The following RNF111 variants were observed in gnomAD, a reference collection of about 807,000 sequenced individuals.
RNF111 encodes the protein ring finger protein 111, also known as E3 ubiquitin-protein ligase Arkadia.
Under a neutral mutation model 95.1 loss-of-function variants are expected in RNF111, and 17 were observed. The observed-to-expected ratio is 0.18, with a 90% CI of 0.12 to 0.27. The LOEUF (loss-of-function observed/expected upper bound fraction) is 0.27. Ranked by LOEUF, RNF111 falls within the 10% of genes least tolerant of loss-of-function variation. The pLI is 1.00. For synonymous variants in RNF111, 440 were observed against 414.8 expected (o/e 1.06, Z -0.74); for missense variants, 1,189 against 1,210.4 (o/e 0.98, Z 0.26).
chr15:59,065,757 A>G (rs1465050772), intron 5 of RNF111, among the ~76,000 whole-genome samples: 2 of 152,210 alleles, frequency 1.3e-5, no homozygotes, highest in African/African-American at 4.8e-5. Context: ...CTGTAATCCA[A>G]GTACTTTGGG....
At chr15:59,053,156 A>C (rs2042061712) in intron 3 of RNF111, among the ~76,000 whole-genome samples, 1 of 152,150 alleles carries the variant, frequency 6.6e-6, no homozygotes, top group Non-Finnish European at 1.5e-5. Flanking sequence ...TTTTTCCTTC[A>C]CTCAGTAATT....
chr15:58,996,494 T>A (rs1031378527), intron 1 of RNF111, among the ~76,000 whole-genome samples: 6 of 151,564 alleles, frequency 4.0e-5, no homozygotes, highest in Non-Finnish European at 7.4e-5. Flanking sequence ...AGCAGGAGAA[T>A]CGCTTGAACC....
At chr15:59,086,824 T>C (rs1467981384) in intron 10 of RNF111, among the ~76,000 whole-genome samples, 4 of 152,302 alleles carry the variant, frequency 2.6e-5, no homozygotes, top group South Asian at 2.1e-4. Context: ...TCAGGAACCA[T>C]TGAAGGGGAA....
chr15:59,039,092 G>A (rs2041323741), intron 2 of RNF111, among the ~76,000 whole-genome samples: 1 of 152,134 alleles, frequency 6.6e-6, no homozygotes, highest in Non-Finnish European at 1.5e-5. Context: ...TGCCTCCCGA[G>A]TAGCTGGGAT....
intron 1 of RNF111, among the ~76,000 whole-genome samples, chr15:58,993,616 G>A (rs1401228713): frequency 3.3e-5 from 5 of 152,090 alleles, no homozygotes; most frequent in African/African-American, 7.2e-5. Context: ...ACAGTATTTC[G>A]TTTCTATTTG....
At chr15:59,048,146 A>G (rs2041803354) in intron 2 of RNF111, among the ~76,000 whole-genome samples, 1 of 152,238 alleles carries the variant, frequency 6.6e-6, no homozygotes, top group Non-Finnish European at 1.5e-5. Context: ...TTGTAGGAAG[A>G]CTTATACATG....
Position 59,089,775 on chromosome 15 carries a change from A to C in RNF111, c.2643+16A>C. 1 of 1,528,544 alleles carries C rather than the reference A, an allele frequency of 6.5e-7. No homozygotes were observed. The highest frequency in any genetic ancestry group is 1.4e-5 in the African/African-American group (1 of 73,196). 94.7% of individuals were successfully genotyped at this position (1,528,544 alleles called of 1,614,324 possible). A position where few individuals can be genotyped will look rare whatever the true frequency, so the allele number is the denominator to read the frequency against. On this transcript the variant is annotated intron_variant, in intron 11 of 13. Coordinates refer to ENST00000348370, the MANE Select transcript of RNF111 (RefSeq NM_017610.8). Reference sequence around the variant, plus strand: ...CAATTTTGAGGTATGTAATAAAATAAATGAATATGTTTGTCACAGTATCTT... The same window carrying C: ...CAATTTTGAGGTATGTAATAAAATACATGAATATGTTTGTCACAGTATCTT...
At chr15:59,063,588 T>TA (rs2042531089) in intron 5 of RNF111, among the ~76,000 whole-genome samples, 1 of 152,236 alleles carries the variant, frequency 6.6e-6, no homozygotes, top group African/African-American at 2.4e-5. Context: ...ATTTCACCTC[T>TA]AATTTATGAC....
chr15:59,091,110 C>A lies in RNF111; in HGVS notation c.2695C>A (p.Gln899Lys), dbSNP rs1299754124. ...RLGNVNRGAS[Q>K]GTIERCTYPH... Reference sequence around the variant, plus strand: ...AGGCAATGTCAATCGTGGAGCATCCCAGGGGACAATTGAAAGATGTACATA... The same window carrying A: ...AGGCAATGTCAATCGTGGAGCATCCAAGGGGACAATTGAAAGATGTACATA... Residue 899 changes from glutamine to lysine, a missense_variant, in exon 12 of 14, where the codon CAG (glutamine) becomes AAG (lysine). This residue lies in a region of RNF111 where 165 missense variants were observed against 284.6 expected (regional missense o/e 0.58). Transcript: ENST00000348370. 1 of 1,609,940 alleles carries A rather than the reference C, an allele frequency of 6.2e-7. No homozygotes were observed. Among genetic ancestry groups the A allele is most frequent in the Admixed American group, 1.7e-5 (1 of 59,782 alleles).
chr15:58,992,980 C>G (rs563171399), intron 1 of RNF111, among the ~76,000 whole-genome samples: 28 of 151,942 alleles, frequency 1.8e-4, no homozygotes, highest in Non-Finnish European at 4.0e-4. Flanking sequence ...ACCAGCCTGC[C>G]CAACGTGGCA....
chr15:59,026,032 C>CT (rs1191691332), intron 1 of RNF111, among the ~76,000 whole-genome samples: 1,552 of 145,386 alleles, frequency 0.011, 23 homozygotes, highest in African/African-American at 0.036. Flanking sequence ...GCCCGGCCGG[C>CT]TTTTTTTTTT....
At chr15:59,055,112 G>A (rs143146798) in intron 3 of RNF111, among the ~76,000 whole-genome samples, 93 of 152,244 alleles carry the variant, frequency 6.1e-4, no homozygotes, top group Middle Eastern at 3.4e-3. Flanking sequence ...ACTAGCTCAC[G>A]CAAGTAATAT....
At chr15:59,077,891 T>C (rs2078612361) in intron 7 of RNF111, among the ~76,000 whole-genome samples, 1 of 152,246 alleles carries the variant, frequency 6.6e-6, no homozygotes. Context: ...TGTTTTGGGC[T>C]TCTTTTCCTG....
chr15:59,029,624 A>G (rs2040807335), intron 1 of RNF111, among the ~76,000 whole-genome samples: 1 of 152,224 alleles, frequency 6.6e-6, no homozygotes, highest in Admixed American at 6.5e-5. Flanking sequence ...GTAGAGAGGG[A>G]AAATACTTGC....
intron 2 of RNF111, among the ~76,000 whole-genome samples, chr15:59,050,751 C>T (rs2041941635): frequency 6.6e-6 from 1 of 152,150 alleles, no homozygotes; most frequent in African/African-American, 2.4e-5. Flanking sequence ...TTCCTGTCTC[C>T]TTACTTTTGT....
chr15:59,001,937 T>G (rs1350671707), intron 1 of RNF111, among the ~76,000 whole-genome samples: 3 of 152,252 alleles, frequency 2.0e-5, no homozygotes, highest in African/African-American at 4.8e-5. Flanking sequence ...ATAAAAAAAT[T>G]TATAACTATA....
At chr15:59,073,335 T>A (rs1199265352) in intron 6 of RNF111, among the ~76,000 whole-genome samples, 1 of 151,774 alleles carries the variant, frequency 6.6e-6, no homozygotes, top group Non-Finnish European at 1.5e-5. Context: ...ATACAAAAAT[T>A]AGGTGCGTGG....
At position 59,085,729 on chromosome 15, in the gene RNF111, C is replaced by T; in HGVS notation, c.2494C>T (p.His832Tyr). ...TPGALHPHLAHYHAPPRLHHL... is the reference protein window; with the variant it reads ...TPGALHPHLAYYHAPPRLHHL... ...TGGTGCATTGCATCCTCACTTGGCC[C>T]ATTATCACGCACCTCCTCGACTTCA... The change falls in exon 10 of 14, where the codon CAT becomes TAT. Residue 832 changes from histidine to tyrosine, a missense_variant. Coordinates refer to ENST00000348370, the MANE Select transcript of RNF111 (RefSeq NM_017610.8). The T allele has an allele frequency of 6.2e-7, 1 of 1,613,618 alleles. No homozygotes were observed. The highest frequency in any genetic ancestry group is 8.5e-7 in the Non-Finnish European group (1 of 1,179,700).
chr15:59,059,464 T>G (rs2042341820), intron 5 of RNF111, among the ~76,000 whole-genome samples: 1 of 152,214 alleles, frequency 6.6e-6, no homozygotes, highest in South Asian at 2.1e-4. Context: ...CCTCAGAAAG[T>G]TAAAATAGAG....
Sources: allele counts gnomAD v4.1 joint callset (sites outside exome capture counted in the v4.1 genomes callset), GRCh38; gene constraint gnomAD v4.1.1; regional missense constraint gnomAD v4.1.1; transcripts MANE v1.5; gene names NCBI Gene and HGNC (gene_info 2026-07-23, HGNC 2026-07-21).